Variants in VAV3 observed in about 807,000 individuals in gnomAD.
The protein encoded by VAV3 is guanine nucleotide exchange factor VAV3.
Under a neutral mutation model 131.2 loss-of-function variants are expected in VAV3, and 94 were observed. The ratio of observed to expected loss-of-function variants is 0.72; its 90% CI spans 0.61 to 0.85. The LOEUF (loss-of-function observed/expected upper bound fraction) is 0.85, where lower values mean the gene tolerates loss of function less well. VAV3 is among the 40% of genes least tolerant of loss of function. The pLI is 0.00. For synonymous variants in VAV3, 349 were observed against 342.0 expected (o/e 1.02, Z -0.22); for missense variants, 939 against 1,002.7 (o/e 0.94, Z 0.86).
At chr1:107,918,715 T>TG (rs1672745624) in intron 1 of VAV3, among the ~76,000 whole-genome samples, 1 of 148,656 alleles carries the variant, frequency 6.7e-6, no homozygotes, top group African/African-American at 2.5e-5. Flanking sequence ...ATTTTTTTTT[T>TG]TTTTTGAGAG....
At chr1:107,894,998 A>G (rs1671496802) in intron 1 of VAV3, among the ~76,000 whole-genome samples, 1 of 152,146 alleles carries the variant, frequency 6.6e-6, no homozygotes, top group Non-Finnish European at 1.5e-5. Flanking sequence ...TCTCACCTCC[A>G]CTGCCAAAGC....
At chr1:107,810,790 G>C (rs1474046431) in intron 2 of VAV3, among the ~76,000 whole-genome samples, 1 of 151,898 alleles carries the variant, frequency 6.6e-6, no homozygotes, top group East Asian at 1.9e-4. Context: ...ATCCCACAAT[G>C]AACAGTAAGA....
intron 6 of VAV3, among the ~76,000 whole-genome samples, chr1:107,770,081 C>T (rs1287688008): frequency 1.3e-5 from 2 of 152,272 alleles, no homozygotes; most frequent in Non-Finnish European, 2.9e-5. Context: ...GCTCAGTCCC[C>T]TTCCCTCATT....
At chr1:107,630,345 G>GGAA (rs1557716900) in intron 20 of VAV3, among the ~76,000 whole-genome samples, 2 of 148,334 alleles carry the variant, frequency 1.3e-5, no homozygotes, top group East Asian at 3.9e-4. Flanking sequence ...AAGAATGGAT[G>GGAA]GGAGGATGGA....
intron 25 of VAV3, among the ~76,000 whole-genome samples, chr1:107,591,588 A>AC: frequency 6.6e-6 from 1 of 152,312 alleles, no homozygotes; most frequent in South Asian, 2.1e-4. Flanking sequence ...CAAAAGAAGG[A>AC]CACTGTCACT....
intron 2 of VAV3, among the ~76,000 whole-genome samples, chr1:107,852,660 T>C (rs74638822): frequency 1.4e-3 from 213 of 152,346 alleles, no homozygotes; most frequent in African/African-American, 5.0e-3. Context: ...GAATGGTTGT[T>C]AGTTTTTATT....
chr1:107,624,649 C>T (rs1653872061), intron 20 of VAV3, among the ~76,000 whole-genome samples: 2 of 152,030 alleles, frequency 1.3e-5, no homozygotes, highest in South Asian at 4.1e-4. Context: ...GTTTTTCTAT[C>T]CTTGGCAATT....
chr1:107,804,333 C>G (rs1051029618), intron 2 of VAV3, among the ~76,000 whole-genome samples: 1 of 152,048 alleles, frequency 6.6e-6, no homozygotes, highest in Non-Finnish European at 1.5e-5. Flanking sequence ...TTACTGTCTT[C>G]CTTTGTGGTT....
At chr1:107,819,506 CAA>C (rs113258345) in intron 2 of VAV3, among the ~76,000 whole-genome samples, 7 of 122,718 alleles carry the variant, frequency 5.7e-5, no homozygotes, top group Admixed American at 1.6e-4. Context: ...GACTCTGTCT[CAA>C]AAAAAAAAAA....
chr1:107,717,424 TC>T (rs1376017837), intron 15 of VAV3, among the ~76,000 whole-genome samples: 1 of 152,218 alleles, frequency 6.6e-6, no homozygotes, highest in African/African-American at 2.4e-5. Context: ...TCCCAGAGAT[TC>T]TGGTACGTTG....
At chr1:107,849,177 CT>C (rs1434401692) in intron 2 of VAV3, among the ~76,000 whole-genome samples, 1 of 151,844 alleles carries the variant, frequency 6.6e-6, no homozygotes, top group Non-Finnish European at 1.5e-5. Flanking sequence ...AATGCTACCC[CT>C]ATTAAGCTAC....
intron 2 of VAV3, among the ~76,000 whole-genome samples, chr1:107,868,001 G>T (rs896382861): frequency 3.9e-5 from 6 of 152,140 alleles, no homozygotes; most frequent in African/African-American, 1.4e-4. Context: ...ACTTGTGTGG[G>T]TAGTATGGGG....
intron 2 of VAV3, among the ~76,000 whole-genome samples, chr1:107,867,957 A>G (rs918210595): frequency 3.3e-5 from 5 of 152,206 alleles, no homozygotes; most frequent in African/African-American, 1.2e-4. Flanking sequence ...GCCAGGCTCA[A>G]TGCAAAAGCT....
At chr1:107,945,008 G>A (rs754931053) in intron 1 of VAV3, among the ~76,000 whole-genome samples, 2 of 152,162 alleles carry the variant, frequency 1.3e-5, no homozygotes, top group Non-Finnish European at 2.9e-5. Context: ...CGGATGAAAG[G>A]AAATGTACCA....
chr1:107,584,020 C>T (rs1650288141), intron 25 of VAV3, among the ~76,000 whole-genome samples: 1 of 152,118 alleles, frequency 6.6e-6, no homozygotes, highest in Non-Finnish European at 1.5e-5. Flanking sequence ...TACAAGGCTA[C>T]AGTAACCAAA....
At chr1:107,912,627 C>T (rs1672424487) in intron 1 of VAV3, among the ~76,000 whole-genome samples, 1 of 152,188 alleles carries the variant, frequency 6.6e-6, no homozygotes, top group Admixed American at 6.5e-5. Flanking sequence ...TGATCTCTCA[C>T]TTCACAAATA....
At chr1:107,753,807 G>A (rs937305744) in intron 12 of VAV3, among the ~76,000 whole-genome samples, 2 of 151,692 alleles carry the variant, frequency 1.3e-5, no homozygotes, top group African/African-American at 2.4e-5. Context: ...TGATCTGCCC[G>A]CCTCGGCCTC....
At chr1:107,670,061 G>A (rs914537269) in intron 19 of VAV3, among the ~76,000 whole-genome samples, 3 of 152,108 alleles carry the variant, frequency 2.0e-5, no homozygotes, top group African/African-American at 7.2e-5. Context: ...AGTGTATGTG[G>A]GTAGGGTGAG....
chr1:107,955,178 G>A (rs981918798), intron 1 of VAV3, among the ~76,000 whole-genome samples: 2 of 152,084 alleles, frequency 1.3e-5, no homozygotes, highest in Non-Finnish European at 2.9e-5. Flanking sequence ...TAGAGATGAG[G>A]AAGCTAAAGA....
Sources: allele counts gnomAD v4.1 joint callset (sites outside exome capture counted in the v4.1 genomes callset), GRCh38; gene constraint gnomAD v4.1.1; transcripts MANE v1.5; gene names NCBI Gene and HGNC (gene_info 2026-07-23, HGNC 2026-07-21).